The following RPH3A variants were observed in gnomAD, a reference collection of about 807,000 sequenced individuals.
RPH3A encodes the protein rabphilin-3A.
A neutral mutation model predicts 102.2 loss-of-function variants in RPH3A; 48 were observed. The observed-to-expected ratio is 0.47, with a 90% CI of 0.37 to 0.60. The LOEUF is 0.60. Ranked by LOEUF, RPH3A falls within the 20% of genes least tolerant of loss-of-function variation. The probability of loss-of-function intolerance (pLI) is 0.00; values close to 1 mark genes in which losing one functional copy is unlikely to be tolerated. For synonymous variants in RPH3A, 310 were observed against 324.3 expected, an observed-to-expected ratio of 0.96 and a Z score of 0.47; for missense variants, 781 against 910.1, an observed-to-expected ratio of 0.86 and a Z score of 1.83.
intron 1 of RPH3A, among the ~76,000 whole-genome samples, chr12:112,652,828 T>C (rs1251933205): frequency 6.6e-6 from 1 of 152,230 alleles, no homozygotes. Flanking sequence ...AAAACAGTCA[T>C]GCATGGCTTA....
chr12:112,608,056 TG>T (rs1181515878), intron 1 of RPH3A, among the ~76,000 whole-genome samples: 3 of 152,018 alleles, frequency 2.0e-5, no homozygotes, highest in Admixed American at 2.0e-4. Context: ...TTTTCCTCTA[TG>T]CATTCATTTA....
At chr12:112,836,807 T>G (rs2042058789) in intron 4 of RPH3A, among the ~76,000 whole-genome samples, 1 of 152,222 alleles carries the variant, frequency 6.6e-6, no homozygotes. Context: ...TGCCCTTGTT[T>G]CTGCAGCATT....
chr12:112,894,550 C>T, intron 19 of RPH3A, 28 bp from the exon 20 acceptor site: 2 of 1,607,108 alleles, frequency 1.2e-6, no homozygotes, highest in Non-Finnish European at 1.7e-6. Context: ...AAACGTCATC[C>T]ATAATAGCAT....
chr12:112,698,732 A>C (rs1399999944), intron 1 of RPH3A, among the ~76,000 whole-genome samples: 34 of 152,248 alleles, frequency 2.2e-4, no homozygotes, highest in Admixed American at 2.2e-3. Flanking sequence ...TGGTGAGGAT[A>C]TGAAGCCACT....
chr12:112,866,749 A>T lies in RPH3A; in HGVS notation c.361-8A>T, dbSNP rs1178537588. ...CATCTGAGTGTGTTGGCTGTGTTTC[A>T]TCCACAGAACGTCTGCACCAAGTGC... On this transcript the variant is annotated splice_region_variant and splice_polypyrimidine_tract_variant and intron_variant, in intron 6 of 21. Coordinates refer to ENST00000389385, the MANE Select transcript of RPH3A (RefSeq NM_001143854.2). The T allele has an allele frequency of 6.2e-7, 1 of 1,607,324 alleles. No individual in the cohort carries two copies. The highest frequency in any genetic ancestry group is 1.1e-5 in the South Asian group (1 of 90,002).
At chr12:112,772,591 C>G (rs2040934337) in intron 1 of RPH3A, among the ~76,000 whole-genome samples, 1 of 152,166 alleles carries the variant, frequency 6.6e-6, no homozygotes, top group African/African-American at 2.4e-5. Flanking sequence ...AGTCTTATAT[C>G]ACATGTCAAG....
intron 1 of RPH3A, among the ~76,000 whole-genome samples, chr12:112,720,694 G>T (rs1447406749): frequency 2.0e-5 from 3 of 152,058 alleles, no homozygotes; most frequent in Non-Finnish European, 4.4e-5. Context: ...TTCTTTTCTT[G>T]GTACTGGCAA....
At chr12:112,684,964 T>A (rs2040252799) in intron 1 of RPH3A, among the ~76,000 whole-genome samples, 3 of 152,162 alleles carry the variant, frequency 2.0e-5, no homozygotes, top group Non-Finnish European at 4.4e-5. Context: ...CTCAAACCCT[T>A]TTCTTTCTTT....
chr12:112,705,015 T>C (rs1424043192), intron 1 of RPH3A, among the ~76,000 whole-genome samples: 5 of 152,198 alleles, frequency 3.3e-5, no homozygotes, highest in Admixed American at 2.0e-4. Context: ...TGCTTCTGTC[T>C]CAAATAAAAG....
At chr12:112,819,476 A>G (rs1022662846) in intron 2 of RPH3A, among the ~76,000 whole-genome samples, 3 of 152,202 alleles carry the variant, frequency 2.0e-5, no homozygotes, top group African/African-American at 7.2e-5. Flanking sequence ...GAGACTAAAA[A>G]GGGGAGGTAG....
rs779143374 is a variant in RPH3A at position 112,766,482 on chromosome 12, A to G, written c.-139-25661A>G. Among the ~76,000 whole-genome samples, 7 of 152,134 alleles carry G rather than the reference A, an allele frequency of 4.6e-5. 1 individual carries two copies. The highest frequency in any genetic ancestry group is 2.0e-4 in the Admixed American group (3 of 15,274). On this transcript the variant is annotated intron_variant, in intron 1 of 21. Transcript: ENST00000543106. The stretch of plus-strand genomic sequence containing the variant: ...AAATTATTGATTAAGGAGTGTTCCC[A>G]TGGGAGACTGGCAGGGGGAATAGAG...
rs1214442828 is a variant in RPH3A, at chr12:112,678,315, GAGAA to G, written c.-140+103009_-140+103012del. Among the ~76,000 whole-genome samples, 31 of 115,986 alleles carry G rather than the reference GAGAA, an allele frequency of 2.7e-4. 4 individuals carry two copies. The highest frequency in any genetic ancestry group is 1.0e-3 in the African/African-American group (28 of 27,120). 76.1% of individuals were successfully genotyped at this position (115,986 alleles called of 152,430 possible). A position where few individuals can be genotyped will look rare whatever the true frequency, so the allele number is the denominator to read the frequency against. ...AAAGAAAGAAAGAAAGAGAGAGAGA[GAGAA>G]AGAAAGAAAGAAGGAAGGAAGGAAG... On this transcript the variant is annotated intron_variant, in intron 1 of 21. Transcript: ENST00000543106.
At chr12:112,735,419 G>C (rs945304418) in intron 1 of RPH3A, among the ~76,000 whole-genome samples, 1 of 152,302 alleles carries the variant, frequency 6.6e-6, no homozygotes, top group Admixed American at 6.5e-5. Flanking sequence ...AAATTAGGTA[G>C]TCTTCTTACC....
chr12:112,831,025 T>A (rs902159946), intron 3 of RPH3A, among the ~76,000 whole-genome samples: 5 of 151,886 alleles, frequency 3.3e-5, no homozygotes, highest in Admixed American at 1.3e-4. Flanking sequence ...GGCCATAAAG[T>A]CTCCATTGCA....
rs959590424 is a variant in RPH3A, at chr12:112,818,531, G to A, written c.-18-9770G>A. On this transcript the variant is annotated intron_variant, in intron 2 of 21. Coordinates refer to ENST00000389385, the MANE Select transcript of RPH3A (RefSeq NM_001143854.2). ...GCAGCTATAGAATTCTGTTCTATCA[G>A]TTTAGCAGCCCAATGGAAAGAGAAT... is the stretch of plus-strand genomic sequence containing the variant. 4.6e-5 allele frequency among the ~76,000 whole-genome samples: 7 copies of A among 152,226 alleles called. No homozygotes were observed. In the South Asian group the frequency reaches 1.5e-3, roughly 32 times the overall value.
chr12:112,664,331 G>C (rs1462312662), intron 1 of RPH3A, among the ~76,000 whole-genome samples: 1 of 152,106 alleles, frequency 6.6e-6, no homozygotes, highest in Non-Finnish European at 1.5e-5. Flanking sequence ...ATATATTTGG[G>C]GGATTTAAGC....
At chr12:112,812,520 A>G (rs2041595827) in intron 2 of RPH3A, among the ~76,000 whole-genome samples, 1 of 152,230 alleles carries the variant, frequency 6.6e-6, no homozygotes, top group Non-Finnish European at 1.5e-5. Context: ...AGAAACCAGC[A>G]TTTCAGGGTG....
intron 1 of RPH3A, among the ~76,000 whole-genome samples, chr12:112,632,798 A>G (rs535645330): frequency 6.6e-6 from 1 of 152,330 alleles, no homozygotes; most frequent in African/African-American, 2.4e-5. Flanking sequence ...TGACTGGAGC[A>G]TAGCGGACAA....
At chr12:112,661,693 T>G (rs1406130303) in intron 1 of RPH3A, among the ~76,000 whole-genome samples, 10 of 152,196 alleles carry the variant, frequency 6.6e-5, no homozygotes, top group Admixed American at 5.9e-4. Context: ...AGGAAGCAGC[T>G]GTGGGCTGCA....
Sources: allele counts gnomAD v4.1 joint callset (sites outside exome capture counted in the v4.1 genomes callset), GRCh38; gene constraint gnomAD v4.1.1; transcripts MANE v1.5; gene names NCBI Gene and HGNC (gene_info 2026-07-23, HGNC 2026-07-21).